CSMD1: variants seen among roughly 807,000 people sequenced by gnomAD.
The protein encoded by CSMD1 is CUB and Sushi multiple domains 1, also known as CUB and sushi domain-containing protein 1.
Under a neutral mutation model 417.5 loss-of-function variants are expected in CSMD1, and 213 were observed. That is an observed-to-expected ratio of 0.51 (90% CI 0.46 to 0.57). The LOEUF (loss-of-function observed/expected upper bound fraction) is 0.57, where lower values mean the gene tolerates loss of function less well. CSMD1 is among the 20% of genes least tolerant of loss of function. CSMD1 has a pLI of 0.00. For synonymous variants in CSMD1, 2,862 were observed against 1,736.8 expected, an observed-to-expected ratio of 1.65 and a Z score of -16.11; for missense variants, 6,923 against 4,529.7, an observed-to-expected ratio of 1.53 and a Z score of -15.17.
At chr8:3,462,517 G>T (rs1440129876) in intron 12 of CSMD1, among the ~76,000 whole-genome samples, 7 of 152,142 alleles carry the variant, frequency 4.6e-5, no homozygotes, top group Admixed American at 2.0e-4. Flanking sequence ...GATCTAGGCT[G>T]CATGCCCTTT....
Position 4,891,714 on chromosome 8 carries a change from A to G in CSMD1, c.85+102618T>C, listed in dbSNP as rs192614609. On this transcript the variant is annotated intron_variant, in intron 1 of 69. Transcript: ENST00000635120. ...ATTAATGCATACAAAACCACTTTAA[A>G]GAGTTTTCAAATAAAATACTGAATT... is the stretch of plus-strand genomic sequence containing the variant. 2.4e-3 allele frequency among the ~76,000 whole-genome samples: 362 copies of G among 152,248 alleles called. 3 individuals carry two copies. Among genetic ancestry groups the G allele is most frequent in the Non-Finnish European group, 3.8e-3 (259 of 68,032 alleles).
At chr8:3,841,039 G>C (rs983980479) in intron 5 of CSMD1, among the ~76,000 whole-genome samples, 8 of 151,930 alleles carry the variant, frequency 5.3e-5, no homozygotes, top group African/African-American at 4.8e-5. Context: ...ATGAGTCTTA[G>C]GGCAAAATTC....
chr8:3,923,373 T>A (rs757225377), intron 5 of CSMD1, among the ~76,000 whole-genome samples: 4 of 152,202 alleles, frequency 2.6e-5, no homozygotes, highest in Admixed American at 6.5e-5. Flanking sequence ...CCCCTTCCCA[T>A]TGCAATTTCC....
At chr8:4,226,841 C>G (rs534651430) in intron 3 of CSMD1, among the ~76,000 whole-genome samples, 2 of 152,286 alleles carry the variant, frequency 1.3e-5, no homozygotes, top group Admixed American at 1.3e-4. Flanking sequence ...AATGCAAATG[C>G]ATGTAGTCTC....
At chr8:3,194,779 A>G (rs1158645876) in intron 33 of CSMD1, among the ~76,000 whole-genome samples, 1 of 151,974 alleles carries the variant, frequency 6.6e-6, no homozygotes, top group African/African-American at 2.4e-5. Context: ...CTAATTAACT[A>G]TATTTCCATG....
intron 3 of CSMD1, among the ~76,000 whole-genome samples, chr8:4,415,020 A>C (rs1796852985): frequency 6.6e-6 from 1 of 152,204 alleles, no homozygotes; most frequent in Admixed American, 6.5e-5. Flanking sequence ...AGCATAGGCA[A>C]GCAAAAATGC....
chr8:3,344,484 C>A (rs1298052786), intron 22 of CSMD1, among the ~76,000 whole-genome samples: 2 of 152,172 alleles, frequency 1.3e-5, no homozygotes, highest in African/African-American at 4.8e-5. Flanking sequence ...ATAAAAAAGT[C>A]AATGCAGCAG....
At chr8:4,400,105 G>C (rs1475905072) in intron 3 of CSMD1, among the ~76,000 whole-genome samples, 3 of 152,098 alleles carry the variant, frequency 2.0e-5, no homozygotes, top group East Asian at 1.9e-4. Flanking sequence ...CATTAAAATA[G>C]TGTATACTCT....
At chr8:4,518,017 C>A (rs141857654) in intron 2 of CSMD1, among the ~76,000 whole-genome samples, 1 of 152,164 alleles carries the variant, frequency 6.6e-6, no homozygotes, top group African/African-American at 2.4e-5. Context: ...GATACATAAG[C>A]TGTTTAAGAA....
At chr8:4,027,583 G>C (rs1040367094) in intron 4 of CSMD1, among the ~76,000 whole-genome samples, 1 of 152,052 alleles carries the variant, frequency 6.6e-6, no homozygotes, top group Admixed American at 6.6e-5. Flanking sequence ...TGGTTCCTGA[G>C]GCCTCCGCAG....
At chr8:3,383,655 C>G (rs1810782810) in intron 18 of CSMD1, among the ~76,000 whole-genome samples, 1 of 152,060 alleles carries the variant, frequency 6.6e-6, no homozygotes, top group African/African-American at 2.4e-5. Context: ...GAATAAAAGA[C>G]TTACAATGTG....
intron 3 of CSMD1, among the ~76,000 whole-genome samples, chr8:4,396,420 C>G (rs189147952): frequency 6.6e-6 from 1 of 152,138 alleles, no homozygotes. Context: ...TGAACCAAGA[C>G]TGCACCACTG....
chr8:4,161,475 C>T (rs1797163473), intron 3 of CSMD1, among the ~76,000 whole-genome samples: 1 of 152,128 alleles, frequency 6.6e-6, no homozygotes, highest in Non-Finnish European at 1.5e-5. Context: ...TACTCAAGGT[C>T]ATGCTGCTGT....
rs112063485 is a variant in CSMD1 at position 4,804,019 on chromosome 8, G to A, written c.86-166461C>T. Among the ~76,000 whole-genome samples, 1,413 of 152,270 alleles carry A rather than the reference G, an allele frequency of 9.3e-3. 25 individuals carry two copies. Among genetic ancestry groups the A allele is most frequent in the African/African-American group, 0.033 (1,363 of 41,566 alleles). On this transcript the variant is annotated intron_variant, in intron 1 of 69. Transcript: ENST00000635120. ...CACAACTCTACTCACATATTGGAAA[G>A]CCACATCTTTTAAATGCCAACAAAA...
chr8:3,108,729 A>G lies in CSMD1; in HGVS notation c.6628T>C (p.Ser2210Pro), dbSNP rs1816311207. The G allele has an allele frequency of 1.2e-6, 2 of 1,613,246 alleles. No individual in the cohort carries two copies. Among genetic ancestry groups the G allele is most frequent in the Non-Finnish European group, 1.7e-6 (2 of 1,179,604 alleles). The part of the protein sequence containing the change: ...IAVWDGPDQN[S>P]PQLGVFSGNT... ...CCACTGAAAACTCCCAGCTGGGGTG[A>G]GTTCTGATCGGGACCGTCCCTAGGA... is the stretch of plus-strand genomic sequence containing the variant. The change falls in exon 44 of 70, where the codon TCA becomes CCA. Residue 2210 changes from serine (S) to proline (P), a missense_variant. Transcript: ENST00000635120.
chr8:4,488,242 A>C (rs1801514593), intron 2 of CSMD1, among the ~76,000 whole-genome samples: 1 of 152,188 alleles, frequency 6.6e-6, no homozygotes, highest in Non-Finnish European at 1.5e-5. Context: ...CAGCAGCTCA[A>C]AATGAATAAG....
chr8:4,653,116 A>C (rs1249264708), intron 1 of CSMD1, among the ~76,000 whole-genome samples: 2 of 152,076 alleles, frequency 1.3e-5, no homozygotes, highest in Non-Finnish European at 2.9e-5. Context: ...TCTCTTTCCC[A>C]GCCACAGATT....
intron 3 of CSMD1, among the ~76,000 whole-genome samples, chr8:4,346,714 TTTATAA>T (rs1335041381): frequency 6.6e-6 from 1 of 152,174 alleles, no homozygotes; most frequent in Non-Finnish European, 1.5e-5. Flanking sequence ...TGTCGTATTA[TTTATAA>T]TTATATTTTA....
chr8:2,935,720 G>C lies in CSMD1; in HGVS notation c.*2865C>G, dbSNP rs571526493. ...CTACGTCGTGACAGCAGCGTGTGGT[G>C]GGACGGGAGGGAGGGTCGGCGATGA... On this transcript the variant is annotated 3_prime_UTR_variant, in exon 70 of 70. Coordinates refer to ENST00000635120, the MANE Select transcript of CSMD1 (RefSeq NM_033225.6). 3.3e-5 allele frequency: 5 copies of C among 152,178 alleles called. No individual in the cohort carries two copies. In the South Asian group the frequency reaches 1.0e-3, roughly 32 times the overall value. 9.4% of individuals were successfully genotyped at this position (152,178 alleles called of 1,614,324 possible).
Sources: allele counts gnomAD v4.1 joint callset (sites outside exome capture counted in the v4.1 genomes callset), GRCh38; gene constraint gnomAD v4.1.1; transcripts MANE v1.5; gene names NCBI Gene and HGNC (gene_info 2026-07-23, HGNC 2026-07-21).